VGLL3: variants seen among roughly 807,000 people sequenced by gnomAD.
The protein encoded by VGLL3 is transcription cofactor vestigial-like protein 3.
In VGLL3, 18 loss-of-function variants were observed where a neutral mutation model predicts 29.2. The observed-to-expected ratio is 0.62, with a 90% CI of 0.43 to 0.91. The LOEUF is 0.91. VGLL3 is among the 40% of genes least tolerant of loss of function. The probability of loss-of-function intolerance (pLI) is 0.00; values close to 1 mark genes in which losing one functional copy is unlikely to be tolerated. For missense variants in VGLL3, 440 were observed against 413.2 expected, an observed-to-expected ratio of 1.06 and a Z score of -0.56; for synonymous variants, 180 against 151.8, an observed-to-expected ratio of 1.19 and a Z score of -1.36.
chr3:86,957,558 G>A (rs1383190473), intron 3 of VGLL3, among the ~76,000 whole-genome samples: 3 of 152,234 alleles, frequency 2.0e-5, no homozygotes, highest in Middle Eastern at 3.4e-3. Context: ...TCTCCATTTT[G>A]CATCTAAGGA....
intron 1 of VGLL3, chr3:86,990,335 A>G: frequency 2.0e-6 from 2 of 985,450 alleles, no homozygotes; most frequent in Non-Finnish European, 2.4e-6. Context: ...TGAGCTTCAG[A>G]GAACTGAGTC....
intron 1 of VGLL3, among the ~76,000 whole-genome samples, chr3:86,989,647 T>C (rs1186171309): frequency 6.6e-6 from 1 of 152,208 alleles, no homozygotes; most frequent in Non-Finnish European, 1.5e-5. Flanking sequence ...GGTAATTTCC[T>C]AACCAAATCT....
rs1704425025 is a variant in VGLL3, at chr3:86,942,753, TA to T, written c.*4270del. ...ATGACATACTAAAAAGTCAGCTAAT[TA>T]AGAAACGTACATTTATCTCCTATAC... On this transcript the variant is annotated 3_prime_UTR_variant, in exon 4 of 4. Transcript: ENST00000398399. 1 of 152,196 alleles carries T rather than the reference TA, an allele frequency of 6.6e-6. No individual in the cohort carries two copies. Among genetic ancestry groups the T allele is most frequent in the African/African-American group, 2.4e-5 (1 of 41,460 alleles). The allele number at this position is 152,196 out of a possible 1,614,324, so 9.4% of individuals were successfully genotyped here. A position where few individuals can be genotyped will look rare whatever the true frequency, so the allele number is the denominator to read the frequency against.
Position 86,942,472 on chromosome 3 carries a change from G to T in VGLL3, c.*4552C>A, listed in dbSNP as rs1421755238. 5.9e-5 allele frequency: 9 copies of T among 151,946 alleles called. No homozygotes were observed. Among genetic ancestry groups the T allele is most frequent in the Non-Finnish European group, 1.5e-5 (1 of 67,992 alleles). 9.4% of individuals were successfully genotyped at this position (151,946 alleles called of 1,614,324 possible). On this transcript the variant is annotated 3_prime_UTR_variant, in exon 4 of 4. Transcript: ENST00000398399. ...TGTTTTTCCCCCTTTTAATGCGGAA[G>T]ATTTTTTCCACCATATTTTCCAACT...
Position 86,988,712 on chromosome 3 carries a change from A to AATTTT in VGLL3, c.126+1905_126+1906insAAAAT, listed in dbSNP as rs1208495668. 1.8e-4 allele frequency among the ~76,000 whole-genome samples: 26 copies of AATTTT among 144,206 alleles called. 7 individuals are homozygous for AATTTT. Among genetic ancestry groups the AATTTT allele is most frequent in the African/African-American group, 5.6e-4 (22 of 39,358 alleles). 94.6% of individuals were successfully genotyped at this position (144,206 alleles called of 152,430 possible). On this transcript the variant is annotated intron_variant, in intron 1 of 3. Transcript: ENST00000398399. The stretch of plus-strand genomic sequence containing the variant: ...AAGAAGAAGAAGGAGAAGAAAAAGA[A>AATTTT]GAAAAAGCAACATGAAAATTTCCAA...
At chr3:86,987,036 A>T (rs1705457267) in intron 1 of VGLL3, among the ~76,000 whole-genome samples, 2 of 152,130 alleles carry the variant, frequency 1.3e-5, no homozygotes, top group Admixed American at 6.5e-5. Context: ...GCAAAACATT[A>T]AAAAAATTTA....
rs556208743 is a variant in VGLL3, at chr3:86,943,809, C to T, written c.*3215G>A. The T allele has an allele frequency of 6.6e-6, 1 of 152,092 alleles. No homozygotes were observed. Among genetic ancestry groups the T allele is most frequent in the Admixed American group, 6.5e-5 (1 of 15,276 alleles). The allele number at this position is 152,092 out of a possible 1,614,324, so 9.4% of individuals were successfully genotyped here. A position where few individuals can be genotyped will look rare whatever the true frequency, so the allele number is the denominator to read the frequency against. On this transcript the variant is annotated 3_prime_UTR_variant, in exon 4 of 4. Transcript: ENST00000398399. Reference sequence around the variant, plus strand: ...CAACATTATGTTGTTTCTTAGCTCCCGATGGTTTATTGGTGGAAGCATAGA... The same window carrying T: ...CAACATTATGTTGTTTCTTAGCTCCTGATGGTTTATTGGTGGAAGCATAGA...
chr3:86,951,751 C>T (rs144196476), intron 3 of VGLL3, among the ~76,000 whole-genome samples: 76 of 150,662 alleles, frequency 5.0e-4, no homozygotes, highest in African/African-American at 1.8e-3. Context: ...AATCTTAAAG[C>T]TCGCCTATGT....
chr3:86,954,720 G>A (rs1264507604), intron 3 of VGLL3, among the ~76,000 whole-genome samples: 2 of 152,006 alleles, frequency 1.3e-5, no homozygotes, highest in African/African-American at 4.8e-5. Flanking sequence ...TATATGGAAC[G>A]ATATGGAATT....
At chr3:86,970,170 C>A (rs953913802) in intron 2 of VGLL3, among the ~76,000 whole-genome samples, 1 of 152,152 alleles carries the variant, frequency 6.6e-6, no homozygotes, top group African/African-American at 2.4e-5. Context: ...GATCCCCTAA[C>A]TCTTCATCAG....
intron 3 of VGLL3, 109 bp from the exon 4 acceptor site, chr3:86,947,176 GC>G (rs1435531829): frequency 4.2e-6 from 3 of 715,522 alleles, no homozygotes; most frequent in Non-Finnish European, 5.2e-6. Flanking sequence ...GATAATCCAG[GC>G]AACTGTGAGT....
At chr3:86,947,377 T>C (rs1704529794) in intron 3 of VGLL3, among the ~76,000 whole-genome samples, 1 of 152,218 alleles carries the variant, frequency 6.6e-6, no homozygotes, top group Admixed American at 6.5e-5. Context: ...AAACGAAACA[T>C]TTGTAATTTC....
chr3:86,973,065 TA>T lies in VGLL3; in HGVS notation c.404-3943del, dbSNP rs201793564. On this transcript the variant is annotated intron_variant, in intron 2 of 3. Transcript: ENST00000398399. ...TTTTACACTGATTGTAAATGTCTCT[TA>T]AAAAAAACACACACACACACACATT... is the stretch of plus-strand genomic sequence containing the variant. 3.1e-3 allele frequency among the ~76,000 whole-genome samples: 462 copies of T among 147,616 alleles called. 3 individuals are homozygous for T. Among genetic ancestry groups the T allele is most frequent in the African/African-American group, 0.011 (399 of 37,660 alleles).
chr3:86,988,683 A>G lies in VGLL3; in HGVS notation c.126+1935T>C, dbSNP rs866237078. Among the ~76,000 whole-genome samples the G allele has an allele frequency of 6.9e-4, 94 of 135,390 alleles. 2 individuals carry two copies. The highest frequency in any genetic ancestry group is 2.3e-3 in the African/African-American group (83 of 35,476). The allele number at this position is 135,390 out of a possible 152,430, so 88.8% of individuals were successfully genotyped here. Reference sequence around the variant, plus strand: ...AAAAAAAAAAAAAAAAAAAAAAAAAAAAGAAGAAGAAGAAGGAGAAGAAAA... The same window carrying G: ...AAAAAAAAAAAAAAAAAAAAAAAAAGAAGAAGAAGAAGAAGGAGAAGAAAA... On this transcript the variant is annotated intron_variant, in intron 1 of 3. Transcript: ENST00000398399.
intron 3 of VGLL3, among the ~76,000 whole-genome samples, chr3:86,961,721 T>C (rs1704846879): frequency 6.6e-6 from 1 of 152,184 alleles, no homozygotes; most frequent in African/African-American, 2.4e-5. Flanking sequence ...GTGTTATCTC[T>C]GGCCCCAACT....
At chr3:86,960,348 C>A (rs1461077783) in intron 3 of VGLL3, among the ~76,000 whole-genome samples, 2 of 152,118 alleles carry the variant, frequency 1.3e-5, no homozygotes, top group Non-Finnish European at 2.9e-5. Context: ...TCATCAGGCA[C>A]AAGCTGTCCA....
At chr3:86,964,357 TG>T (rs764557293) in intron 3 of VGLL3, among the ~76,000 whole-genome samples, 54 of 152,324 alleles carry the variant, frequency 3.5e-4, no homozygotes, top group Non-Finnish European at 6.2e-4. Context: ...ATGCCATACA[TG>T]ATATTATAAA....
chr3:86,980,463 T>C (rs1705301228), intron 1 of VGLL3, among the ~76,000 whole-genome samples: 1 of 152,144 alleles, frequency 6.6e-6, no homozygotes, highest in Non-Finnish European at 1.5e-5. Flanking sequence ...TTCGTATCAG[T>C]ATGGTTATGA....
At chr3:86,971,591 A>G (rs903301153) in intron 2 of VGLL3, among the ~76,000 whole-genome samples, 2 of 152,230 alleles carry the variant, frequency 1.3e-5, no homozygotes, top group Non-Finnish European at 2.9e-5. Context: ...AATACCACCT[A>G]TAATCAGCCT....
Sources: allele counts gnomAD v4.1 joint callset (sites outside exome capture counted in the v4.1 genomes callset), GRCh38; gene constraint gnomAD v4.1.1; transcripts MANE v1.5; gene names NCBI Gene and HGNC (gene_info 2026-07-23, HGNC 2026-07-21).